MYO1F: variants seen among roughly 807,000 people sequenced by gnomAD.
MYO1F encodes the protein unconventional myosin-If.
In MYO1F, 60 loss-of-function variants were observed where a neutral mutation model predicts 146.6. That is an observed-to-expected ratio of 0.41 (90% confidence interval 0.33 to 0.51). The LOEUF is 0.51. MYO1F is among the 20% of genes least tolerant of loss of function. The probability of loss-of-function intolerance (pLI) is 0.25; values close to 1 mark genes in which losing one functional copy is unlikely to be tolerated. For missense variants in MYO1F, 1,274 were observed against 1,534.3 expected, an observed-to-expected ratio of 0.83 and a Z score of 2.83; for synonymous variants, 602 against 602.1, an observed-to-expected ratio of 1.00 and a Z score of 0.00.
At chr19:8,528,596 G>C (rs1389935199) in intron 21 of MYO1F, among the ~76,000 whole-genome samples, 1 of 152,068 alleles carries the variant, frequency 6.6e-6, no homozygotes, top group East Asian at 1.9e-4. Flanking sequence ...AAAGAAACGA[G>C]GTCAGATGGG....
At chr19:8,559,053 T>C (rs1041098696) in intron 1 of MYO1F, among the ~76,000 whole-genome samples, 2 of 151,790 alleles carry the variant, frequency 1.3e-5, no homozygotes, top group Admixed American at 1.3e-4. Context: ...TAATTTTTTG[T>C]ATTTTTGGTA....
intron 13 of MYO1F, among the ~76,000 whole-genome samples, chr19:8,545,269 A>G (rs189988284): frequency 3.6e-4 from 54 of 151,770 alleles, no homozygotes; most frequent in Middle Eastern, 3.4e-3. Context: ...TTGTATTTTT[A>G]GTAGAGACAG....
chr19:8,559,384 A>C (rs886248961), intron 1 of MYO1F, among the ~76,000 whole-genome samples: 1 of 151,498 alleles, frequency 6.6e-6, no homozygotes, highest in Non-Finnish European at 1.5e-5. Context: ...TTCTGGACAT[A>C]CTGACAGTTA....
chr19:8,526,089 G>A (rs904358532), intron 24 of MYO1F, among the ~76,000 whole-genome samples: 5 of 152,214 alleles, frequency 3.3e-5, no homozygotes, highest in African/African-American at 1.2e-4. Context: ...AGCACTTTGG[G>A]AGGCCGAGGC....
At chr19:8,547,711 T>C (rs1443319841) in intron 12 of MYO1F, 1 of 330,680 alleles carries the variant, frequency 3.0e-6, no homozygotes, top group Non-Finnish European at 5.8e-6. Flanking sequence ...CCTCAGGCTC[T>C]GCTTCTGGGG....
At chr19:8,540,120 G>A (rs1466620951) in intron 15 of MYO1F, 92 bp from the exon 16 acceptor site, 25 of 912,622 alleles carry the variant, frequency 2.7e-5, no homozygotes, top group Non-Finnish European at 3.6e-5. Context: ...ATGCCGCAAC[G>A]CAAAATATGG....
chr19:8,551,921 C>CCCCTGTGG, intron 7 of MYO1F, 47 bp from the exon 8 acceptor site: 2 of 1,613,970 alleles, frequency 1.2e-6, no homozygotes, highest in Non-Finnish European at 1.7e-6. Flanking sequence ...CCTGGCTCAG[C>CCCCTGTGG]CCCTGTGATC....
At position 8,555,659 on chromosome 19, in the gene MYO1F, G is replaced by A. The variant is rs963246904; in HGVS notation, c.141C>T (p.Phe47=). 11 of 1,613,938 alleles carry A rather than the reference G, an allele frequency of 6.8e-6. No homozygotes were observed. The highest frequency in any genetic ancestry group is 2.7e-5 in the African/African-American group (2 of 74,896). Reference sequence around the variant, plus strand: ...CACCCCCAGCCTTGGCCCAGGGTACGAAGATGTAGTCGTCCATGAAGCGCT... The same window carrying A: ...CACCCCCAGCCTTGGCCCAGGGTACAAAGATGTAGTCGTCCATGAAGCGCT... ...LRKRFMDDYI[F]TYIGSVLISV... is the part of the protein sequence containing the mutation. The change falls in exon 2 of 28, where the codon TTC becomes TTT. Residue 47 remains phenylalanine (F), a splice_region_variant and synonymous_variant. Coordinates refer to ENST00000644032, the MANE Select transcript of MYO1F (RefSeq NM_012335.4).
At chr19:8,550,522 C>T (rs749384991) in intron 9 of MYO1F, 40 bp downstream of exon 9, 8 of 1,613,910 alleles carry the variant, frequency 5.0e-6, no homozygotes, top group Non-Finnish European at 5.9e-6. Flanking sequence ...TTCACCCACC[C>T]ACAGGCCTCC....
chr19:8,528,767 G>A (rs1972367184), intron 21 of MYO1F, among the ~76,000 whole-genome samples: 1 of 152,106 alleles, frequency 6.6e-6, no homozygotes, highest in Non-Finnish European at 1.5e-5. Context: ...CTCAGGTAAA[G>A]GTATTATGGT....
At chr19:8,546,912 C>T (rs1355626910) in intron 12 of MYO1F, among the ~76,000 whole-genome samples, 12 of 152,192 alleles carry the variant, frequency 7.9e-5, no homozygotes, top group African/African-American at 2.9e-4. Context: ...CTCCTGACCT[C>T]AGGTGATCCA....
chr19:8,568,296 G>T (rs1288556841), intron 1 of MYO1F, among the ~76,000 whole-genome samples: 2 of 151,910 alleles, frequency 1.3e-5, no homozygotes, highest in Admixed American at 1.3e-4. Context: ...GGTGGCGGGC[G>T]CCCGTAGTCC....
intron 24 of MYO1F, among the ~76,000 whole-genome samples, chr19:8,525,982 C>T (rs983877359): frequency 2.6e-5 from 4 of 151,956 alleles, no homozygotes; most frequent in African/African-American, 9.7e-5. Flanking sequence ...TCCATGGCCA[C>T]GTCCCTCCTC....
intron 25 of MYO1F, among the ~76,000 whole-genome samples, chr19:8,523,177 A>T (rs564725932): frequency 6.6e-6 from 1 of 151,472 alleles, no homozygotes; most frequent in Non-Finnish European, 1.5e-5. Context: ...GACTACAGGC[A>T]CCTGCCACCA....
At chr19:8,548,612 T>G (rs1360133433) in intron 10 of MYO1F, among the ~76,000 whole-genome samples, 1 of 151,492 alleles carries the variant, frequency 6.6e-6, no homozygotes, top group Non-Finnish European at 1.5e-5. Context: ...TTTTCTTTTT[T>G]TTTTTTGAGA....
At chr19:8,561,033 G>A (rs889917550) in intron 1 of MYO1F, among the ~76,000 whole-genome samples, 1 of 149,740 alleles carries the variant, frequency 6.7e-6, no homozygotes, top group Non-Finnish European at 1.5e-5. Flanking sequence ...CACTGCGCCT[G>A]GCCACGCCTG....
intron 10 of MYO1F, 124 bp from the exon 11 acceptor site, chr19:8,548,441 C>G (rs992098553): frequency 1.2e-6 from 1 of 862,624 alleles, no homozygotes; most frequent in Non-Finnish European, 1.9e-6. Context: ...CAGTTTCCCT[C>G]CAGCCCTCTT....
rs896104985 is a variant in MYO1F, at chr19:8,536,864, G to T, written c.1799+85C>A. On this transcript the variant is annotated intron_variant, in intron 17 of 27. Coordinates refer to ENST00000644032, the MANE Select transcript of MYO1F (RefSeq NM_012335.4). ...TGCTAGTCCCTGGGTCATCCTACAGGAGGTCAGGGAGGTGTCTCGGTCAGT... is the reference window on the plus strand; with the variant it reads ...TGCTAGTCCCTGGGTCATCCTACAGTAGGTCAGGGAGGTGTCTCGGTCAGT... 5.3e-6 allele frequency: 5 copies of T among 941,166 alleles called. No individual in the cohort carries two copies. The African/African-American group carries it at 6.6e-5, about 12-fold the overall frequency. 58.3% of individuals were successfully genotyped at this position (941,166 alleles called of 1,614,324 possible).
chr19:8,567,888 C>T (rs1346564426), intron 1 of MYO1F, among the ~76,000 whole-genome samples: 1 of 152,222 alleles, frequency 6.6e-6, no homozygotes, highest in Non-Finnish European at 1.5e-5. Context: ...AGGCTTCAGC[C>T]TGCCAGGCCA....
Sources: gnomAD v4.1 joint callset for allele counts (sites outside exome capture counted in the v4.1 genomes callset) on GRCh38, gnomAD v4.1.1 for gene constraint, MANE v1.5 for transcripts, NCBI Gene and HGNC (gene_info 2026-07-23, HGNC 2026-07-21) for gene names.